The following IREB2 variants were observed in gnomAD, a reference collection of about 807,000 sequenced individuals.
IREB2 encodes the protein iron responsive element binding protein 2, also known as iron-responsive element-binding protein 2.
In IREB2, 39 loss-of-function variants were observed where a neutral mutation model predicts 118.8. The observed-to-expected ratio is 0.33, with a 90% CI of 0.25 to 0.43. The LOEUF (loss-of-function observed/expected upper bound fraction) is 0.43. IREB2 is among the 20% of genes least tolerant of loss of function. IREB2 has a pLI of 1.00. For missense variants in IREB2, 900 were observed against 1,147.3 expected (o/e 0.78, Z 3.11); for synonymous variants, 372 against 392.2 (o/e 0.95, Z 0.61).
chr15:78,476,225 A>G lies in IREB2; in HGVS notation c.1061A>G (p.Glu354Gly), dbSNP rs1596004441. ...RQVGVAGKFV[E>G]FFGSGVSQLS... ...GTAGGAGTGGCTGGAAAGTTTGTTG[A>G]GTTTTTTGGAAGTGGAGTTTCACAA... The change falls in exon 9 of 22, where the codon GAG (glutamate) becomes GGG (glycine). Residue 354 changes from glutamate (E) to glycine (G), a missense_variant. Transcript: ENST00000258886. 1 of 1,601,300 alleles carries G rather than the reference A, an allele frequency of 6.2e-7. No homozygotes were observed. The highest frequency in any genetic ancestry group is 8.5e-7 in the Non-Finnish European group (1 of 1,170,392).
At position 78,438,265 on chromosome 15, in the gene IREB2, C is replaced by CCT; in HGVS notation, c.-73_-72insCT. The CCT allele has an allele frequency of 8.4e-7, 1 of 1,195,948 alleles. No homozygotes were observed. Among genetic ancestry groups the CCT allele is most frequent in the East Asian group, 2.5e-5 (1 of 39,844 alleles). 74.1% of individuals were successfully genotyped at this position (1,195,948 alleles called of 1,614,324 possible). ...TTGCCAGTCCGCCTGTCTTCCTCCCCGTCTTCCCTGCCCGGCCTCCCCCTT... is the reference window on the plus strand; with the variant it reads ...TTGCCAGTCCGCCTGTCTTCCTCCCCCTGTCTTCCCTGCCCGGCCTCCCCCTT... On this transcript the variant is annotated 5_prime_UTR_variant, in exon 1 of 22. Coordinates refer to ENST00000258886, the MANE Select transcript of IREB2 (RefSeq NM_004136.4).
chr15:78,470,691 T>A, intron 6 of IREB2, 90 bp downstream of exon 6: 5 of 253,054 alleles, frequency 2.0e-5, no homozygotes, highest in African/African-American at 3.3e-5. Flanking sequence ...TTCTTTTCCT[T>A]TTTTTTTTTT....
chr15:78,470,121 T>C (rs900324773), intron 5 of IREB2, among the ~76,000 whole-genome samples: 2 of 152,262 alleles, frequency 1.3e-5, no homozygotes, highest in Non-Finnish European at 2.9e-5. Context: ...TGTTCGTCAA[T>C]GCTGCATAGA....
At chr15:78,472,094 G>A (rs1432366259) in intron 7 of IREB2, among the ~76,000 whole-genome samples, 170 bp downstream of exon 7, 1 of 152,224 alleles carries the variant, frequency 6.6e-6, no homozygotes, top group Non-Finnish European at 1.5e-5. Context: ...GATCAGTGTT[G>A]TAAAAGAGGA....
At chr15:78,463,155 T>C in intron 3 of IREB2, 68 bp downstream of exon 3, 1 of 1,346,766 alleles carries the variant, frequency 7.4e-7, no homozygotes, top group Non-Finnish European at 1.0e-6. Flanking sequence ...ATACAGACTC[T>C]TGGGTAGGTG....
At position 78,499,628 on chromosome 15, in the gene IREB2, T is replaced by G. The variant is rs987020741; in HGVS notation, c.*1485T>G. ...TTTAGACAATAAGATGGACTAGAGT[T>G]CGACAAAATGATTTCTTTATTTAAA... On this transcript the variant is annotated 3_prime_UTR_variant, in exon 22 of 22. Coordinates refer to ENST00000258886, the MANE Select transcript of IREB2 (RefSeq NM_004136.4). The G allele has an allele frequency of 1.1e-4, 16 of 152,256 alleles. No individual in the cohort carries two copies. Among genetic ancestry groups the G allele is most frequent in the Non-Finnish European group, 2.2e-4 (15 of 68,050 alleles). 9.4% of individuals were successfully genotyped at this position (152,256 alleles called of 1,614,324 possible).
chr15:78,472,044 A>G (rs996667818), intron 7 of IREB2, 120 bp downstream of exon 7: 11 of 667,808 alleles, frequency 1.6e-5, no homozygotes, highest in Non-Finnish European at 2.6e-5. Flanking sequence ...TTTCATCTGT[A>G]ATAACAGCAG....
Position 78,466,414 on chromosome 15 carries a change from G to T in IREB2, c.554G>T (p.Arg185Leu), listed in dbSNP as rs528213818. Residue 185 changes from arginine to leucine, a missense_variant, in exon 5 of 22, where the codon CGA becomes CTA. By Grantham distance (102) the Arg-to-Leu change is moderately radical (BLOSUM62 -2). Transcript: ENST00000258886. The stretch of plus-strand genomic sequence containing the variant: ...TCTTGTGATTCTGGAGAACTAGGCC[G>T]AAACTCAGGAACATTTTCTTCGCAG... ...RGSCDSGELGRNSGTFSSQIE... is the reference protein window; with the variant it reads ...RGSCDSGELGLNSGTFSSQIE... The T allele has an allele frequency of 6.2e-7, 1 of 1,614,146 alleles. No homozygotes were observed. The highest frequency in any genetic ancestry group is 1.3e-5 in the African/African-American group (1 of 75,026).
chr15:78,446,226 A>T (rs2050926673), intron 2 of IREB2, among the ~76,000 whole-genome samples: 1 of 152,218 alleles, frequency 6.6e-6, no homozygotes, highest in Non-Finnish European at 1.5e-5. Context: ...GCAATGTAAC[A>T]GTTTGCTTGT....
chr15:78,498,122 T>C lies in IREB2; in HGVS notation c.2871T>C (p.Phe957=), dbSNP rs2051870172. Residue 957 remains phenylalanine, a synonymous_variant, in exon 22 of 22, where the codon TTT becomes TTC. Transcript: ENST00000258886. ...TLYKHGGLLN[F]VARKFS ...ACAAACATGGAGGATTATTAAACTT[T>C]GTGGCACGAAAATTCTCATAGTATC... 1 of 1,606,062 alleles carries C rather than the reference T, an allele frequency of 6.2e-7. No individual in the cohort carries two copies. The highest frequency in any genetic ancestry group is 8.5e-7 in the Non-Finnish European group (1 of 1,172,848).
chr15:78,482,182 A>G (rs1388091778), intron 10 of IREB2, among the ~76,000 whole-genome samples: 2 of 152,050 alleles, frequency 1.3e-5, no homozygotes, highest in Non-Finnish European at 2.9e-5. Flanking sequence ...TTTAGTCCTG[A>G]CTGTGCCACT....
intron 7 of IREB2, among the ~76,000 whole-genome samples, chr15:78,472,265 C>A (rs1248886265): frequency 1.3e-5 from 2 of 152,138 alleles, no homozygotes; most frequent in African/African-American, 4.8e-5. Flanking sequence ...GATTTCTTGC[C>A]ATTTTATACA....
intron 10 of IREB2, among the ~76,000 whole-genome samples, chr15:78,480,686 T>TAAAAA (rs373261767): frequency 0.026 from 2,295 of 89,602 alleles, 68 homozygotes; most frequent in East Asian, 0.066. Context: ...GAGACTGTCT[T>TAAAAA]AAAAAAAAAA....
chr15:78,460,959 G>A (rs1349978585), intron 2 of IREB2, among the ~76,000 whole-genome samples: 1 of 152,174 alleles, frequency 6.6e-6, no homozygotes, highest in African/African-American at 2.4e-5. Flanking sequence ...GGTCTTGTGT[G>A]TGTATATACA....
In IREB2 at chr15:78,465,405, A is replaced by G; in HGVS notation, c.410+17A>G. ...CAGTAAATGGTACTTCAATGCAGAT[A>G]TTTATAGACAGCCATGCAAGTTAAT... is the stretch of plus-strand genomic sequence containing the variant. On this transcript the variant is annotated intron_variant, in intron 4 of 21. Transcript: ENST00000258886. The G allele has an allele frequency of 6.3e-7, 1 of 1,596,272 alleles. No homozygotes were observed. The highest frequency in any genetic ancestry group is 8.5e-7 in the Non-Finnish European group (1 of 1,170,496).
intron 10 of IREB2, among the ~76,000 whole-genome samples, chr15:78,480,773 G>T (rs1221344172): frequency 6.6e-6 from 1 of 151,768 alleles, no homozygotes; most frequent in African/African-American, 2.4e-5. Flanking sequence ...ACTTTGGGAG[G>T]CCGAAACAGG....
At chr15:78,438,784 G>C (rs1180261681) in intron 1 of IREB2, 3 of 228,098 alleles carry the variant, frequency 1.3e-5, no homozygotes, top group Admixed American at 5.2e-5. Context: ...TTGATTCCAC[G>C]GTCCAGCCTA....
At position 78,439,759 on chromosome 15, in the gene IREB2, TTGC is replaced by T. The variant is rs561555818; in HGVS notation, c.20-32_20-30del. ...ATTTTCAGCTGAATAAAATATTTTG[TTGC>T]TGCATTTAATGAAAATACAATTTTT... is the stretch of plus-strand genomic sequence containing the variant. On this transcript the variant is annotated intron_variant, in intron 1 of 21. Coordinates refer to ENST00000258886, the MANE Select transcript of IREB2 (RefSeq NM_004136.4). 3.2e-5 allele frequency: 36 copies of T among 1,127,236 alleles called. 1 individual carries two copies. The South Asian group carries it at 4.4e-4, about 14-fold the overall frequency. The allele number at this position is 1,127,236 out of a possible 1,614,324, so 69.8% of individuals were successfully genotyped here. A position where few individuals can be genotyped will look rare whatever the true frequency, so the allele number is the denominator to read the frequency against.
chr15:78,438,081 C>G (rs984653173), upstream of IREB2: 3 of 494,892 alleles, frequency 6.1e-6, no homozygotes, highest in African/African-American at 3.9e-5. Flanking sequence ...GGCGACGGCG[C>G]GAGAAATCGC....
Sources: gnomAD v4.1 joint callset for allele counts (sites outside exome capture counted in the v4.1 genomes callset) on GRCh38, gnomAD v4.1.1 for gene constraint, MANE v1.5 for transcripts, NCBI Gene and HGNC (gene_info 2026-07-23, HGNC 2026-07-21) for gene names.